The following NFE2L2 variants were observed in gnomAD, a reference collection of about 807,000 sequenced individuals.
NFE2L2 encodes nuclear factor erythroid 2-related factor 2.
In NFE2L2, 20 loss-of-function variants were observed where a neutral mutation model predicts 49.6. That is an observed-to-expected ratio of 0.40 (90% confidence interval 0.28 to 0.59). NFE2L2 has a LOEUF of 0.59. Ranked by LOEUF, NFE2L2 falls within the 20% of genes least tolerant of loss-of-function variation. The probability of loss-of-function intolerance (pLI) is 0.40; values close to 1 mark genes in which losing one functional copy is unlikely to be tolerated. For synonymous variants in NFE2L2, 244 were observed against 256.5 expected (o/e 0.95, Z 0.47); for missense variants, 578 against 714.2 (o/e 0.81, Z 2.17).
chr2:177,247,684 CAAAAAAAAA>C (rs57701650), intron 1 of NFE2L2, among the ~76,000 whole-genome samples: 1 of 56,340 alleles, frequency 1.8e-5, no homozygotes, highest in Non-Finnish European at 3.8e-5. Flanking sequence ...CCCCACCCCG[CAAAAAAAAA>C]AAAAAAAAAG....
At chr2:177,242,849 GTAC>G (rs1689985696) in intron 1 of NFE2L2, among the ~76,000 whole-genome samples, 1 of 151,636 alleles carries the variant, frequency 6.6e-6, no homozygotes, top group African/African-American at 2.4e-5. Context: ...AAAGCACATG[GTAC>G]TGAATTTTCC....
intron 2 of NFE2L2, 162 bp downstream of exon 2, chr2:177,233,843 G>T: frequency 1.2e-6 from 1 of 844,126 alleles, no homozygotes. Flanking sequence ...ACTGAACTCA[G>T]GTTAGGTACT....
chr2:177,253,911 G>A (rs1029750892), intron 1 of NFE2L2, among the ~76,000 whole-genome samples: 1 of 152,132 alleles, frequency 6.6e-6, no homozygotes, highest in Non-Finnish European at 1.5e-5. Context: ...TCAATCAACT[G>A]CTGATTAAGT....
At position 177,264,589 on chromosome 2, in the gene NFE2L2, A is replaced by G. The variant is rs1468044812; in HGVS notation, c.-13T>C. 8.1e-6 allele frequency: 12 copies of G among 1,476,784 alleles called. No homozygotes were observed. In the East Asian group the frequency reaches 3.6e-4, roughly 44 times the overall value. 91.5% of individuals were successfully genotyped at this position (1,476,784 alleles called of 1,614,324 possible). A position where few individuals can be genotyped will look rare whatever the true frequency, so the allele number is the denominator to read the frequency against. ...CCAAGTCCATCATGATGAGCTGTGG[A>G]CCGTGTGTTGGGGCTCCCCGACGGC... is the stretch of plus-strand genomic sequence containing the variant. On this transcript the variant is annotated 5_prime_UTR_variant, in exon 1 of 5. Transcript: ENST00000397062.
At chr2:177,251,600 G>A (rs189958480) in intron 1 of NFE2L2, among the ~76,000 whole-genome samples, 1 of 152,264 alleles carries the variant, frequency 6.6e-6, no homozygotes, top group East Asian at 1.9e-4. Flanking sequence ...TTCTGTCTCA[G>A]AAGACCTCAG....
At chr2:177,246,165 G>T (rs538427350) in intron 1 of NFE2L2, among the ~76,000 whole-genome samples, 2 of 152,176 alleles carry the variant, frequency 1.3e-5, no homozygotes, top group South Asian at 4.1e-4. Context: ...AGACTTGCCT[G>T]CCCCATACGA....
chr2:177,247,557 A>G (rs1490903254), intron 1 of NFE2L2, among the ~76,000 whole-genome samples: 1 of 152,010 alleles, frequency 6.6e-6, no homozygotes, highest in Admixed American at 6.6e-5. Context: ...GCTACTCCAG[A>G]GGCTGAGGCA....
At chr2:177,249,210 C>T (rs1690245637) in intron 1 of NFE2L2, among the ~76,000 whole-genome samples, 1 of 137,148 alleles carries the variant, frequency 7.3e-6, no homozygotes, top group Non-Finnish European at 1.6e-5. Flanking sequence ...CAGCAATACC[C>T]GGTCTCCATA....
chr2:177,263,403 C>G (rs1574288550), intron 1 of NFE2L2: 1 of 985,484 alleles, frequency 1.0e-6, no homozygotes, highest in East Asian at 1.1e-4. Flanking sequence ...CAACTCTTAC[C>G]CTTGACAGCA....
chr2:177,263,777 G>C (rs1466073465), intron 1 of NFE2L2: 1 of 985,394 alleles, frequency 1.0e-6, no homozygotes, highest in East Asian at 1.1e-4. Context: ...GCCCGAGCCC[G>C]AACCCCTCCC....
intron 1 of NFE2L2, chr2:177,263,361 C>A (rs1460031609): frequency 1.0e-6 from 1 of 985,262 alleles, no homozygotes; most frequent in Non-Finnish European, 1.2e-6. Flanking sequence ...TACTAACAGA[C>A]TAAAAGCAAC....
At chr2:177,247,316 T>A (rs1471226152) in intron 1 of NFE2L2, among the ~76,000 whole-genome samples, 1 of 152,042 alleles carries the variant, frequency 6.6e-6, no homozygotes, top group East Asian at 1.9e-4. Context: ...TCCAGGATCA[T>A]TTCAAAATTG....
chr2:177,258,137 C>A (rs1690595165), intron 1 of NFE2L2, among the ~76,000 whole-genome samples: 1 of 152,008 alleles, frequency 6.6e-6, no homozygotes, highest in South Asian at 2.1e-4. Flanking sequence ...AGTTTGAGAA[C>A]CACTGCTGTA....
intron 1 of NFE2L2, among the ~76,000 whole-genome samples, chr2:177,243,917 C>T (rs531462054): frequency 1.6e-4 from 25 of 151,866 alleles, no homozygotes; most frequent in South Asian, 4.2e-4. Context: ...TGCTGCTAGC[C>T]GGAGACCTTG....
chr2:177,234,603 T>G (rs1689675590), intron 1 of NFE2L2, among the ~76,000 whole-genome samples: 1 of 152,224 alleles, frequency 6.6e-6, no homozygotes, highest in Admixed American at 6.5e-5. Flanking sequence ...TTTAATGGAA[T>G]ATAGAAATTA....
At chr2:177,246,712 A>G (rs1690145155) in intron 1 of NFE2L2, among the ~76,000 whole-genome samples, 3 of 146,058 alleles carry the variant, frequency 2.1e-5, no homozygotes, top group African/African-American at 7.6e-5. Flanking sequence ...CAATCTTCCC[A>G]CCTCAGCCTC....
At chr2:177,249,297 T>C (rs1690251149) in intron 1 of NFE2L2, among the ~76,000 whole-genome samples, 2 of 152,192 alleles carry the variant, frequency 1.3e-5, no homozygotes, top group African/African-American at 4.8e-5. Flanking sequence ...GCAGCTCTGA[T>C]GTCTGCTATG....
chr2:177,253,909 C>T (rs1268488361), intron 1 of NFE2L2, among the ~76,000 whole-genome samples: 3 of 152,160 alleles, frequency 2.0e-5, no homozygotes, highest in Non-Finnish European at 4.4e-5. Context: ...AATCAATCAA[C>T]TGCTGATTAA....
At chr2:177,235,711 C>A (rs1689727085) in intron 1 of NFE2L2, among the ~76,000 whole-genome samples, 1 of 152,054 alleles carries the variant, frequency 6.6e-6, no homozygotes, top group African/African-American at 2.4e-5. Flanking sequence ...CCTGTAGTCC[C>A]AACTATTAGG....
Sources: gnomAD v4.1 joint callset for allele counts (sites outside exome capture counted in the v4.1 genomes callset) on GRCh38, gnomAD v4.1.1 for gene constraint, MANE v1.5 for transcripts, NCBI Gene and HGNC (gene_info 2026-07-23, HGNC 2026-07-21) for gene names.